TAMM41: variants seen among roughly 807,000 people sequenced by gnomAD.
The protein encoded by TAMM41 is phosphatidate cytidylyltransferase, mitochondrial.
Under a neutral mutation model 44.1 loss-of-function variants are expected in TAMM41, and 36 were observed. The observed-to-expected ratio is 0.82, with a 90% CI of 0.63 to 1.08. The LOEUF (loss-of-function observed/expected upper bound fraction) is 1.08, where lower values mean the gene tolerates loss of function less well. TAMM41 is among the 50% of genes least tolerant of loss of function. The pLI is 0.00. For missense variants in TAMM41, 417 were observed against 404.3 expected (o/e 1.03, Z -0.27); for synonymous variants, 164 against 153.1 (o/e 1.07, Z -0.53).
chr3:11,807,092 CA>C (rs1337041808), intron 7 of TAMM41: 24 of 875,668 alleles, frequency 2.7e-5, no homozygotes, highest in Non-Finnish European at 3.1e-5. Context: ...TGTGCTTCAC[CA>C]AAATGAGAGT....
rs572143466 is a variant in TAMM41, at chr3:11,838,422, T to C, written c.411+800A>G. On this transcript the variant is annotated intron_variant, in intron 3 of 7. Coordinates refer to ENST00000455809, the MANE Select transcript of TAMM41 (RefSeq NM_001284401.2). ...TAGTAGAGACGGGGTTTCACCACTT[T>C]GGCTAGGCTGGTCTTGAACTCCTGA... Among the ~76,000 whole-genome samples, 11 of 152,330 alleles carry C rather than the reference T, an allele frequency of 7.2e-5. No individual in the cohort carries two copies. In the East Asian group the frequency reaches 1.7e-3, roughly 24 times the overall value.
At chr3:11,808,112 G>C in intron 6 of TAMM41, 1 of 1,070,866 alleles carries the variant, frequency 9.3e-7, no homozygotes, top group Non-Finnish European at 1.3e-6. Context: ...GGCTGTGTGA[G>C]TCCAAGCCGA....
chr3:11,756,234 C>T, the TAMM41 span, among the ~76,000 whole-genome samples: 2 of 152,328 alleles, frequency 1.3e-5, no homozygotes, highest in African/African-American at 4.8e-5. Context: ...GAACAGCTAC[C>T]ATTTGTTGGA....
the TAMM41 span, among the ~76,000 whole-genome samples, chr3:11,724,541 G>A: frequency 1.3e-5 from 2 of 152,084 alleles, no homozygotes; most frequent in Non-Finnish European, 2.9e-5. Flanking sequence ...TCAGCCTCCT[G>A]AGTAGCTAAG....
chr3:11,741,185 C>A, the TAMM41 span, among the ~76,000 whole-genome samples: 1 of 125,910 alleles, frequency 7.9e-6, no homozygotes, highest in African/African-American at 3.2e-5. Flanking sequence ...CACCATTGCA[C>A]TCCAGCCAGG....
At chr3:11,845,116 T>C (rs1559336421) in intron 1 of TAMM41, 1 of 395,542 alleles carries the variant, frequency 2.5e-6, no homozygotes, top group Non-Finnish European at 5.0e-6. Flanking sequence ...AACACATTTA[T>C]GCGGTGGGAG....
chr3:11,808,260 A>C, intron 6 of TAMM41: 2 of 1,072,480 alleles, frequency 1.9e-6, no homozygotes, highest in Non-Finnish European at 1.1e-6. Context: ...AAACCAAATG[A>C]TTACATCTAC....
At chr3:11,812,751 T>A (rs556136775) in intron 5 of TAMM41, among the ~76,000 whole-genome samples, 1 of 152,240 alleles carries the variant, frequency 6.6e-6, no homozygotes, top group African/African-American at 2.4e-5. Flanking sequence ...GGGGTGCTGA[T>A]ACACGTCTCT....
At chr3:11,762,321 G>T in the TAMM41 span, among the ~76,000 whole-genome samples, 1 of 152,090 alleles carries the variant, frequency 6.6e-6, no homozygotes, top group Non-Finnish European at 1.5e-5. Flanking sequence ...ACCTTTGCTA[G>T]TGCACTTATT....
At chr3:11,770,824 AAAAC>A in the TAMM41 span, among the ~76,000 whole-genome samples, 1 of 152,154 alleles carries the variant, frequency 6.6e-6, no homozygotes, top group African/African-American at 2.4e-5. Flanking sequence ...CAAGATAGTG[AAAAC>A]TATGCATCAT....
In TAMM41 at chr3:11,841,961, G is replaced by A. The variant is rs148698366; in HGVS notation, c.318+2068C>T. ...GAAAAGCAAATATATGGCCCAAGGG[G>A]TATGCAGACGTCACCAGTCAATCAC... On this transcript the variant is annotated intron_variant, in intron 2 of 7. Transcript: ENST00000455809. Among the ~76,000 whole-genome samples the A allele has an allele frequency of 2.4e-3, 360 of 152,306 alleles. 2 individuals carry two copies. Among genetic ancestry groups the A allele is most frequent in the Middle Eastern group, 6.8e-3 (2 of 294 alleles).
chr3:11,797,174 G>A (rs1300363787), intron 7 of TAMM41, among the ~76,000 whole-genome samples: 1 of 152,120 alleles, frequency 6.6e-6, no homozygotes, highest in Non-Finnish European at 1.5e-5. Context: ...AACCAAAAGA[G>A]CCCGAATAGC....
chr3:11,841,185 T>C (rs1182473059), intron 2 of TAMM41, among the ~76,000 whole-genome samples: 1 of 148,948 alleles, frequency 6.7e-6, no homozygotes, highest in African/African-American at 2.5e-5. Flanking sequence ...TGGGCTCCAG[T>C]GATCCTCCCA....
intron 6 of TAMM41, 160 bp from the exon 7 acceptor site, chr3:11,808,055 T>G (rs1460008563): frequency 2.2e-6 from 3 of 1,362,002 alleles, no homozygotes; most frequent in Admixed American, 5.8e-5. Context: ...AAAAGGGCAG[T>G]GGGATTGAGG....
the TAMM41 span, among the ~76,000 whole-genome samples, chr3:11,775,771 ATGCAC>A: frequency 1.3e-5 from 2 of 152,226 alleles, no homozygotes; most frequent in East Asian, 3.9e-4. Context: ...ATATACAGCC[ATGCAC>A]TGCATGCCTG....
intron 4 of TAMM41, among the ~76,000 whole-genome samples, chr3:11,820,090 C>T (rs2078452828): frequency 6.6e-6 from 1 of 152,028 alleles, no homozygotes; most frequent in Admixed American, 6.5e-5. Context: ...CATTTTAAAA[C>T]ACATTTATGG....
At chr3:11,788,156 C>T (rs916921963), downstream of TAMM41, among the ~76,000 whole-genome samples, 2 of 152,048 alleles carry the variant, frequency 1.3e-5, no homozygotes, top group Non-Finnish European at 2.9e-5. Context: ...GGAGAGTGAC[C>T]CTGGTGTTCT....
chr3:11,748,210 C>A, the TAMM41 span, among the ~76,000 whole-genome samples: 1 of 151,560 alleles, frequency 6.6e-6, no homozygotes, highest in Non-Finnish European at 1.5e-5. Flanking sequence ...ACGAGTATCT[C>A]CCTCTTCAGC....
chr3:11,735,006 G>A, the TAMM41 span, among the ~76,000 whole-genome samples: 2 of 149,552 alleles, frequency 1.3e-5, no homozygotes, highest in South Asian at 2.1e-4. Context: ...CCAAAATCAC[G>A]CCACTGCACT....
Sources: allele counts gnomAD v4.1 joint callset (sites outside exome capture counted in the v4.1 genomes callset), GRCh38; gene constraint gnomAD v4.1.1; transcripts MANE v1.5; gene names NCBI Gene and HGNC (gene_info 2026-07-23, HGNC 2026-07-21).